DNALI1: variants seen among roughly 807,000 people sequenced by gnomAD.
DNALI1 encodes dynein axonemal light intermediate chain 1.
Under a neutral mutation model 33.9 loss-of-function variants are expected in DNALI1, and 31 were observed. That is an observed-to-expected ratio of 0.91 (90% CI 0.69 to 1.23). The LOEUF is 1.23. DNALI1 is among the 50% of genes most tolerant of loss of function. The pLI is 0.00. For missense variants in DNALI1, 305 were observed against 323.8 expected (o/e 0.94, Z 0.44); for synonymous variants, 117 against 129.2 (o/e 0.91, Z 0.64).
chr1:37,563,616 G>C (rs746001461), intron 5 of DNALI1, among the ~76,000 whole-genome samples: 25 of 152,104 alleles, frequency 1.6e-4, no homozygotes, highest in Non-Finnish European at 3.5e-4. Flanking sequence ...TCAGCCTCCT[G>C]AGTAGCTGGG....
At chr1:37,558,262 T>TCAAACCA (rs1643396846) in intron 2 of DNALI1, 1 of 152,704 alleles carries the variant, frequency 6.5e-6, no homozygotes, top group African/African-American at 2.4e-5. Flanking sequence ...ACCTTCAAAT[T>TCAAACCA]CTTTCCCAAA....
intron 5 of DNALI1, among the ~76,000 whole-genome samples, chr1:37,564,053 G>C (rs1643470506): frequency 6.6e-6 from 1 of 151,854 alleles, no homozygotes; most frequent in Non-Finnish European, 1.5e-5. Context: ...GGCCAACGTG[G>C]TGAAACCCAT....
In DNALI1 at chr1:37,559,620, C is replaced by G. The variant is rs1643412574; in HGVS notation, c.397+124C>G. On this transcript the variant is annotated intron_variant, in intron 3 of 5. Transcript: ENST00000652629. The surrounding 1 kb of genome is among the most constrained non-coding windows in gnomAD (Gnocchi z 5.3). ...CCATCTCATGCTGGAATCCCCTCTT[C>G]TCCCCCTGCCTGACCCACCCAGCAA... The G allele has an allele frequency of 8.5e-7, 1 of 1,182,876 alleles. No individual in the cohort carries two copies. The highest frequency in any genetic ancestry group is 1.1e-6 in the Non-Finnish European group (1 of 907,420). The allele number at this position is 1,182,876 out of a possible 1,614,324, so 73.3% of individuals were successfully genotyped here. A position where few individuals can be genotyped will look rare whatever the true frequency, so the allele number is the denominator to read the frequency against.
chr1:37,566,538 C>T lies in DNALI1; in HGVS notation c.*1477C>T. On this transcript the variant is annotated 3_prime_UTR_variant, in exon 6 of 6. Coordinates refer to ENST00000652629, the MANE Select transcript of DNALI1 (RefSeq NM_003462.5). Reference sequence around the variant, plus strand: ...CTGTATGCTTCTATTCCAAATCATTCATTACCAATAAAAACGAAATACCAC... The same window carrying T: ...CTGTATGCTTCTATTCCAAATCATTTATTACCAATAAAAACGAAATACCAC... 1 of 264,820 alleles carries T rather than the reference C, an allele frequency of 3.8e-6. No homozygotes were observed. The highest frequency in any genetic ancestry group is 7.1e-6 in the Non-Finnish European group (1 of 141,198). 16.4% of individuals were successfully genotyped at this position (264,820 alleles called of 1,614,324 possible).
chr1:37,564,915 C>G lies in DNALI1; in HGVS notation c.742-111C>G. ...TTTGGGGATCAAGGGGAAAAAGAAC[C>G]CTTGGAGTGACAGCATGTGGATTCT... On this transcript the variant is annotated intron_variant, in intron 5 of 5. Coordinates refer to ENST00000652629, the MANE Select transcript of DNALI1 (RefSeq NM_003462.5). 2 of 1,146,654 alleles carry G rather than the reference C, an allele frequency of 1.7e-6. 1 individual carries two copies. Among genetic ancestry groups the G allele is most frequent in the South Asian group, 2.5e-5 (2 of 79,730 alleles). The allele number at this position is 1,146,654 out of a possible 1,614,324, so 71.0% of individuals were successfully genotyped here.
chr1:37,557,945 A>G (rs575219425), intron 2 of DNALI1, 197 bp downstream of exon 2: 98 of 670,810 alleles, frequency 1.5e-4, no homozygotes, highest in Non-Finnish European at 1.8e-4. Context: ...CATTTCCTGC[A>G]TGCTGTCACC....
chr1:37,557,927 T>C, intron 2 of DNALI1, 179 bp downstream of exon 2: 2 of 773,778 alleles, frequency 2.6e-6, no homozygotes, highest in Non-Finnish European at 4.0e-6. Flanking sequence ...CTCTTCTCAA[T>C]CTACCCTCAT....
At chr1:37,564,797 A>G (rs1431536784) in intron 5 of DNALI1, among the ~76,000 whole-genome samples, 1 of 152,224 alleles carries the variant, frequency 6.6e-6, no homozygotes, top group African/African-American at 2.4e-5. Context: ...ACCCGGAGCC[A>G]TTATTGTGTT....
chr1:37,566,496 C>G lies in DNALI1; in HGVS notation c.*1435C>G. 1 of 190,212 alleles carries G rather than the reference C, an allele frequency of 5.3e-6. No homozygotes were observed. Among genetic ancestry groups the G allele is most frequent in the South Asian group, 1.4e-4 (1 of 7,124 alleles). 11.8% of individuals were successfully genotyped at this position (190,212 alleles called of 1,614,324 possible). A position where few individuals can be genotyped will look rare whatever the true frequency, so the allele number is the denominator to read the frequency against. ...AAGGCCAGGCCATGTACACTAACGTCCTTGAAATTTGCAGTTCTGTATGCT... is the reference window on the plus strand; with the variant it reads ...AAGGCCAGGCCATGTACACTAACGTGCTTGAAATTTGCAGTTCTGTATGCT... On this transcript the variant is annotated 3_prime_UTR_variant, in exon 6 of 6. Transcript: ENST00000652629.
At chr1:37,564,801 T>C (rs994203968) in intron 5 of DNALI1, among the ~76,000 whole-genome samples, 4 of 152,210 alleles carry the variant, frequency 2.6e-5, no homozygotes, top group Admixed American at 6.5e-5. Context: ...GGAGCCATTA[T>C]TGTGTTGAAA....
At chr1:37,558,947 C>T (rs1239166325) in intron 2 of DNALI1, among the ~76,000 whole-genome samples, 1 of 152,240 alleles carries the variant, frequency 6.6e-6, no homozygotes, top group Non-Finnish European at 1.5e-5. Flanking sequence ...CTTTCTGGCT[C>T]GCACAAGGTT....
At chr1:37,563,765 A>G (rs1051200398) in intron 5 of DNALI1, among the ~76,000 whole-genome samples, 7 of 152,182 alleles carry the variant, frequency 4.6e-5, no homozygotes, top group African/African-American at 1.7e-4. Context: ...TGCTGGAATT[A>G]CAGGCTTGTA....
Position 37,565,110 on chromosome 1 carries a change from T to C in DNALI1, c.*49T>C, listed in dbSNP as rs1474768799. ...AACAAGACACTTGGGAGTTATTTAC[T>C]GTGTTCCTCTGGCAGCCAATAAAAT... On this transcript the variant is annotated 3_prime_UTR_variant, in exon 6 of 6. Transcript: ENST00000652629. 3 of 1,598,914 alleles carry C rather than the reference T, an allele frequency of 1.9e-6. No individual in the cohort carries two copies. The highest frequency in any genetic ancestry group is 1.7e-6 in the Non-Finnish European group (2 of 1,166,590).
intron 5 of DNALI1, among the ~76,000 whole-genome samples, chr1:37,563,651 C>T (rs766761430): frequency 4.6e-5 from 7 of 151,998 alleles, no homozygotes; most frequent in Non-Finnish European, 7.4e-5. Flanking sequence ...CCAGCACGCC[C>T]GGCAAATTTC....
Position 37,561,680 on chromosome 1 carries a change from T to A in DNALI1, c.521T>A (p.Phe174Tyr), listed in dbSNP as rs547905165. The A allele has an allele frequency of 6.2e-7, 1 of 1,613,918 alleles. No individual in the cohort carries two copies. The highest frequency in any genetic ancestry group is 1.3e-5 in the African/African-American group (1 of 74,880). ...YQTLYESSVA[F>Y]GMRKALQAEQ... Reference sequence around the variant, plus strand: ...ACCCTGTACGAGAGCAGCGTGGCGTTTGGCATGAGGAAGGCACTGCAGGCT... The same window carrying A: ...ACCCTGTACGAGAGCAGCGTGGCGTATGGCATGAGGAAGGCACTGCAGGCT... The change falls in exon 4 of 6, where the codon TTT (phenylalanine) becomes TAT (tyrosine). Residue 174 changes from phenylalanine to tyrosine, a missense_variant. Transcript: ENST00000652629. The surrounding 1 kb of genome is among the most constrained non-coding windows in gnomAD (Gnocchi z 4.6).
Position 37,561,602 on chromosome 1 carries a change from T to C in DNALI1, c.443T>C (p.Leu148Pro). The part of the protein sequence containing the change: ...EVTINCAERG[L>P]LLLRVRDEIR... ...ACCATCAACTGTGCGGAGAGGGGGCTGCTGCTGCTGCGAGTCCGGGACGAG... is the reference window on the plus strand; with the variant it reads ...ACCATCAACTGTGCGGAGAGGGGGCCGCTGCTGCTGCGAGTCCGGGACGAG... Residue 148 changes from leucine to proline, a missense_variant, in exon 4 of 6, where the codon CTG becomes CCG. Leu to Pro is a moderately conservative substitution (Grantham distance 98). Coordinates refer to ENST00000652629, the MANE Select transcript of DNALI1 (RefSeq NM_003462.5). The surrounding 1 kb of genome is among the most constrained non-coding windows in gnomAD (Gnocchi z 4.6). 6.2e-7 allele frequency: 1 copy of C among 1,613,174 alleles called. No homozygotes were observed.
At position 37,566,475 on chromosome 1, in the gene DNALI1, C is replaced by T. The variant is rs1250548885; in HGVS notation, c.*1414C>T. The T allele has an allele frequency of 1.2e-5, 2 of 168,654 alleles. No individual in the cohort carries two copies. The highest frequency in any genetic ancestry group is 4.8e-5 in the African/African-American group (2 of 41,966). The allele number at this position is 168,654 out of a possible 1,614,324, so 10.4% of individuals were successfully genotyped here. ...CAACTTTCTCCTTGTATTTCAAAGG[C>T]CAGGCCATGTACACTAACGTCCTTG... is the stretch of plus-strand genomic sequence containing the variant. On this transcript the variant is annotated 3_prime_UTR_variant, in exon 6 of 6. Coordinates refer to ENST00000652629, the MANE Select transcript of DNALI1 (RefSeq NM_003462.5).
chr1:37,562,359 C>G lies in DNALI1; in HGVS notation c.741+114C>G. On this transcript the variant is annotated intron_variant, in intron 5 of 5. Coordinates refer to ENST00000652629, the MANE Select transcript of DNALI1 (RefSeq NM_003462.5). This position sits in a 1 kb window ranked among gnomAD's most constrained non-coding sequence, Gnocchi z 5.8. ...TTAAATGTTTGTCCACATGCACTGC[C>G]AAAGGATAAAGGAAGCTGACTTTGG... 7.3e-7 allele frequency: 1 copy of G among 1,378,318 alleles called. No individual in the cohort carries two copies. The highest frequency in any genetic ancestry group is 9.8e-7 in the Non-Finnish European group (1 of 1,024,496). The allele number at this position is 1,378,318 out of a possible 1,614,324, so 85.4% of individuals were successfully genotyped here.
Position 37,559,579 on chromosome 1 carries a change from A to C in DNALI1, c.397+83A>C. ...CTTCAGCACAGATCCAAGCCTGAGC[A>C]CCTTGGAGCTGGAGCCCATCTCATG... On this transcript the variant is annotated intron_variant, in intron 3 of 5. Coordinates refer to ENST00000652629, the MANE Select transcript of DNALI1 (RefSeq NM_003462.5). The surrounding 1 kb of genome is among the most constrained non-coding windows in gnomAD (Gnocchi z 5.3). 7.3e-7 allele frequency: 1 copy of C among 1,360,918 alleles called. No homozygotes were observed. 84.3% of individuals were successfully genotyped at this position (1,360,918 alleles called of 1,614,324 possible).
Sources: gnomAD v4.1 joint callset for allele counts (sites outside exome capture counted in the v4.1 genomes callset) on GRCh38, gnomAD v4.1.1 for gene constraint, Gnocchi (gnomAD v3.1) non-coding constraint, MANE v1.5 for transcripts, NCBI Gene and HGNC (gene_info 2026-07-23, HGNC 2026-07-21) for gene names.